ZNF442: variants seen among roughly 807,000 people sequenced by gnomAD.
The protein encoded by ZNF442 is zinc finger protein 442.
In ZNF442, 45 loss-of-function variants were observed where a neutral mutation model predicts 57.0. The ratio of observed to expected loss-of-function variants is 0.79; its 90% CI spans 0.62 to 1.01. The LOEUF (loss-of-function observed/expected upper bound fraction) is 1.01. Ranked by LOEUF, ZNF442 falls within the 50% of genes least tolerant of loss-of-function variation. ZNF442 has a pLI of 0.00. For missense variants in ZNF442, 690 were observed against 756.5 expected (o/e 0.91, Z 1.03); for synonymous variants, 213 against 241.8 (o/e 0.88, Z 1.10).
chr19:12,348,518 T>C lies in ZNF442; in HGVS notation c.*1183A>G, dbSNP rs1320982560. ...CTACAACAATGTTTCTAACTAAATA[T>C]CTGCAAATATGAAGACAGATCCTTC... is the stretch of plus-strand genomic sequence containing the variant. On this transcript the variant is annotated 3_prime_UTR_variant, in exon 6 of 6. Transcript: ENST00000242804. 6.6e-6 allele frequency: 1 copy of C among 152,160 alleles called. No individual in the cohort carries two copies. The highest frequency in any genetic ancestry group is 2.4e-5 in the African/African-American group (1 of 41,418). 9.4% of individuals were successfully genotyped at this position (152,160 alleles called of 1,614,324 possible).
upstream of ZNF442, among the ~76,000 whole-genome samples, chr19:12,368,026 C>G (rs1969552429): frequency 6.6e-6 from 1 of 152,168 alleles, no homozygotes; most frequent in Admixed American, 6.5e-5. Flanking sequence ...TTCTCCTACT[C>G]ACATGTCCGT....
At chr19:12,355,127 T>TA (rs1480832618) in intron 3 of ZNF442, among the ~76,000 whole-genome samples, 1 of 151,538 alleles carries the variant, frequency 6.6e-6, no homozygotes, top group African/African-American at 2.4e-5. Flanking sequence ...CTGTCTCTAA[T>TA]AAAAATACAA....
Position 12,352,077 on chromosome 19 carries a change from G to T in ZNF442, c.206-7C>A. The T allele has an allele frequency of 6.2e-7, 1 of 1,611,788 alleles. No homozygotes were observed. Among genetic ancestry groups the T allele is most frequent in the South Asian group, 1.1e-5 (1 of 90,622 alleles). On this transcript the variant is annotated splice_region_variant and splice_polypyrimidine_tract_variant and intron_variant, in intron 4 of 5. Transcript: ENST00000242804. ...GTGTCTTCCCATTTCATTCCTAAAA[G>T]GTGGACACAGAAAAAACACTGTAGA...
intron 3 of ZNF442, among the ~76,000 whole-genome samples, chr19:12,353,672 T>C (rs1263956076): frequency 6.6e-6 from 1 of 152,208 alleles, no homozygotes; most frequent in Non-Finnish European, 1.5e-5. Context: ...GGAGCATAGC[T>C]GATCAGCCAA....
upstream of ZNF442, among the ~76,000 whole-genome samples, chr19:12,368,505 C>G (rs1428169114): frequency 6.6e-6 from 1 of 152,204 alleles, no homozygotes; most frequent in Non-Finnish European, 1.5e-5. Flanking sequence ...CCCTTAGTTC[C>G]CGCAACAGAC....
At position 12,353,010 on chromosome 19, in the gene ZNF442, G is replaced by A. The variant is rs1336912067; in HGVS notation, c.183C>T (p.Thr61=). The A allele has an allele frequency of 3.7e-6, 6 of 1,610,596 alleles. No individual in the cohort carries two copies. In the South Asian group the frequency reaches 6.6e-5, roughly 18 times the overall value. The part of the protein sequence containing the change: ...KSLYRDVMWE[T]IRNLDCIGMK... Reference sequence around the variant, plus strand: ...TACCTATACAGTCCAGGTTCCTAATGGTTTCCCACATCACATCTCTGTACA... The same window carrying A: ...TACCTATACAGTCCAGGTTCCTAATAGTTTCCCACATCACATCTCTGTACA... The change falls in exon 4 of 6, where the codon ACC becomes ACT. Residue 61 remains threonine, a synonymous_variant. Transcript: ENST00000242804.
upstream of ZNF442, among the ~76,000 whole-genome samples, chr19:12,368,643 G>A (rs915067949): frequency 4.6e-5 from 7 of 152,140 alleles, no homozygotes; most frequent in African/African-American, 1.4e-4. Flanking sequence ...CTCTAGCCCC[G>A]CTTGCCTCTT....
intron 1 of ZNF442, 98 bp downstream of exon 1, chr19:12,365,435 A>C (rs1158973221): frequency 6.5e-6 from 2 of 309,050 alleles, no homozygotes; most frequent in East Asian, 8.9e-5. Context: ...CAGACCCCGC[A>C]GTCGCCGCGG....
chr19:12,356,314 G>A (rs985375318), intron 3 of ZNF442, among the ~76,000 whole-genome samples: 5 of 151,946 alleles, frequency 3.3e-5, no homozygotes, highest in Admixed American at 1.3e-4. Flanking sequence ...AAACTGGTTA[G>A]TATGTACAGT....
chr19:12,361,556 C>T (rs759747084), intron 3 of ZNF442, among the ~76,000 whole-genome samples: 1 of 152,174 alleles, frequency 6.6e-6, no homozygotes, highest in Admixed American at 6.5e-5. Flanking sequence ...CTTAGTCATA[C>T]TGTCACTGTT....
intron 3 of ZNF442, among the ~76,000 whole-genome samples, chr19:12,354,542 C>T (rs1034377517): frequency 7.2e-5 from 11 of 151,984 alleles, no homozygotes; most frequent in East Asian, 1.9e-4. Context: ...AACAAAGTTA[C>T]GGCTTTACAA....
At chr19:12,353,786 G>A (rs1057295224) in intron 3 of ZNF442, among the ~76,000 whole-genome samples, 5 of 152,148 alleles carry the variant, frequency 3.3e-5, no homozygotes, top group Admixed American at 3.3e-4. Flanking sequence ...GGGTCTTGAG[G>A]ATTTGGATCT....
Position 12,349,658 on chromosome 19 carries a change from A to T in ZNF442, c.*43T>A. 6.5e-7 allele frequency: 1 copy of T among 1,540,652 alleles called. No homozygotes were observed. Among genetic ancestry groups the T allele is most frequent in the Non-Finnish European group, 8.7e-7 (1 of 1,144,106 alleles). ...GCTTATCTCCTATGTGATTTCTTTC[A>T]CGTTTCTGAAATGAAATAAAATTAA... On this transcript the variant is annotated 3_prime_UTR_variant, in exon 6 of 6. Coordinates refer to ENST00000242804, the MANE Select transcript of ZNF442 (RefSeq NM_030824.3).
rs757868202 is a variant in ZNF442 at position 12,350,012 on chromosome 19, A to C, written c.1573T>G (p.Phe525Val). ...PYECKTCKKA[F>V]SHFGNLKVHE... is the part of the protein sequence containing the mutation. Reference sequence around the variant, plus strand: ...ACTTTTAAGTTACCAAAATGACTGAAGGCTTTCTTACATGTTTTACATTCA... The same window carrying C: ...ACTTTTAAGTTACCAAAATGACTGACGGCTTTCTTACATGTTTTACATTCA... Residue 525 changes from phenylalanine to valine, a missense_variant, in exon 6 of 6, where the codon TTC becomes GTC. Transcript: ENST00000242804. 1 of 1,614,170 alleles carries C rather than the reference A, an allele frequency of 6.2e-7. No individual in the cohort carries two copies. The highest frequency in any genetic ancestry group is 1.1e-5 in the South Asian group (1 of 91,080).
chr19:12,362,332 G>A (rs957088519), intron 3 of ZNF442, among the ~76,000 whole-genome samples: 41 of 151,746 alleles, frequency 2.7e-4, no homozygotes, highest in African/African-American at 9.7e-5. Flanking sequence ...CTGCCCCGCC[G>A]CCCCATCTGG....
At chr19:12,354,440 G>C (rs1969292272) in intron 3 of ZNF442, among the ~76,000 whole-genome samples, 1 of 152,150 alleles carries the variant, frequency 6.6e-6, no homozygotes, top group Non-Finnish European at 1.5e-5. Flanking sequence ...TCCCTAAATA[G>C]CTAAATCAGA....
chr19:12,354,704 G>T (rs1383098773), intron 3 of ZNF442, among the ~76,000 whole-genome samples: 3 of 152,084 alleles, frequency 2.0e-5, no homozygotes, highest in Non-Finnish European at 4.4e-5. Context: ...CTGAGTAGCT[G>T]GGATTACAGG....
intron 3 of ZNF442, among the ~76,000 whole-genome samples, chr19:12,357,339 C>CT (rs1969347122): frequency 1.5e-5 from 2 of 133,402 alleles, no homozygotes; most frequent in South Asian, 4.6e-4. Context: ...CCCAGAATTT[C>CT]TTTTTCTTTC....
rs1345261479 is a variant in ZNF442 at position 12,357,379 on chromosome 19, TC to T, written c.79-4266del. Among the ~76,000 whole-genome samples, 8 of 123,200 alleles carry T rather than the reference TC, an allele frequency of 6.5e-5. No homozygotes were observed. In the Admixed American group the frequency reaches 8.2e-4, roughly 13 times the overall value. The allele number at this position is 123,200 out of a possible 152,430, so 80.8% of individuals were successfully genotyped here. A position where few individuals can be genotyped will look rare whatever the true frequency, so the allele number is the denominator to read the frequency against. On this transcript the variant is annotated intron_variant, in intron 3 of 5. Transcript: ENST00000242804. ...TTTTTTTTTTTTTTTTTGGACAGAGTCTCGCTCTGCCGCCCAGGCTGGAGCG... is the reference window on the plus strand; with the variant it reads ...TTTTTTTTTTTTTTTTTGGACAGAGTTCGCTCTGCCGCCCAGGCTGGAGCG...
Sources: allele counts gnomAD v4.1 joint callset (sites outside exome capture counted in the v4.1 genomes callset), GRCh38; gene constraint gnomAD v4.1.1; transcripts MANE v1.5; gene names NCBI Gene and HGNC (gene_info 2026-07-23, HGNC 2026-07-21).